The following KHDC4 variants were observed in gnomAD, a reference collection of about 807,000 sequenced individuals.
KHDC4 encodes the protein KH domain containing 4, pre-mRNA splicing factor.
In KHDC4, 19 loss-of-function variants were observed where a neutral mutation model predicts 74.5. The observed-to-expected ratio is 0.26, with a 90% CI of 0.18 to 0.37. The LOEUF is 0.37. Among genes scored for constraint, KHDC4 ranks in the 10% least tolerant of loss-of-function variants. The probability of loss-of-function intolerance (pLI) is 1.00; values close to 1 mark genes in which losing one functional copy is unlikely to be tolerated. For synonymous variants in KHDC4, 253 were observed against 266.1 expected, an observed-to-expected ratio of 0.95 and a Z score of 0.48; for missense variants, 632 against 754.1, an observed-to-expected ratio of 0.84 and a Z score of 1.90.
chr1:155,918,539 T>C (rs755329207), intron 10 of KHDC4, among the ~76,000 whole-genome samples: 5 of 152,218 alleles, frequency 3.3e-5, no homozygotes, highest in Non-Finnish European at 7.3e-5. Flanking sequence ...TGTGTACTTA[T>C]ACAAACTTAG....
chr1:155,922,496 G>C (rs937146233), intron 8 of KHDC4, among the ~76,000 whole-genome samples: 1 of 152,126 alleles, frequency 6.6e-6, no homozygotes, highest in African/African-American at 2.4e-5. Flanking sequence ...CCAATTTTGG[G>C]AATTAGGAGA....
chr1:155,931,898 G>T (rs545368827), intron 2 of KHDC4, among the ~76,000 whole-genome samples: 3 of 152,014 alleles, frequency 2.0e-5, no homozygotes, highest in African/African-American at 7.3e-5. Flanking sequence ...CCTTATGGCC[G>T]CCTTTAATAG....
rs1674022008 is a variant in KHDC4 at position 155,927,171 on chromosome 1, A to AAAAAAGG, written c.465-22_465-16dup. The stretch of plus-strand genomic sequence containing the variant: ...ATGGACGATCCCTATAAAGAGAAAC[A>AAAAAAGG]AAAAAGGATGATCTCAATGTGGTCA... On this transcript the variant is annotated splice_polypyrimidine_tract_variant and intron_variant, in intron 4 of 13. Coordinates refer to ENST00000368321, the MANE Select transcript of KHDC4 (RefSeq NM_014949.4). The AAAAAAGG allele has an allele frequency of 1.9e-6, 3 of 1,610,666 alleles. No homozygotes were observed. The highest frequency in any genetic ancestry group is 2.5e-6 in the Non-Finnish European group (3 of 1,177,214).
chr1:155,925,732 T>C lies in KHDC4; in HGVS notation c.793A>G (p.Ile265Val). Residue 265 changes from isoleucine (I) to valine (V), a missense_variant, in exon 7 of 14, where the codon ATT becomes GTT. Around this residue, in one of 4 missense-constraint regions of KHDC4, gnomAD observed 233 missense variants for 342.6 expected, o/e 0.68. Coordinates refer to ENST00000368321, the MANE Select transcript of KHDC4 (RefSeq NM_014949.4). ...AGGAAGACTTTGGCACCTGTTTCAA[T>C]CTGAATGTGCTGCAAATAGGAGCAG... ...PGCSYLQHIQ[I>V]ETGAKVFLRG... is the part of the protein sequence containing the mutation. 1 of 1,614,206 alleles carries C rather than the reference T, an allele frequency of 6.2e-7. No homozygotes were observed. The highest frequency in any genetic ancestry group is 8.5e-7 in the Non-Finnish European group (1 of 1,180,040).
At position 155,933,615 on chromosome 1, in the gene KHDC4, C is replaced by T. The variant is rs757937662; in HGVS notation, c.255+18G>A. ...CTATTAAATTCGCAATTAGTGGAGA[C>T]CCTTCAACTTCAAATACCTTCTCAG... On this transcript the variant is annotated intron_variant, in intron 2 of 13. Transcript: ENST00000368321. The T allele has an allele frequency of 5.1e-6, 8 of 1,577,892 alleles. No homozygotes were observed. Among genetic ancestry groups the T allele is most frequent in the South Asian group, 1.1e-5 (1 of 89,112 alleles).
rs201845776 is a variant in KHDC4, at chr1:155,926,705, C to T, written c.652G>A (p.Val218Ile). ...GACTGGAAGGGAGGCTTCTGGCTAACAGCTGGAGACAACTGAGCGATGGGT... is the reference window on the plus strand; with the variant it reads ...GACTGGAAGGGAGGCTTCTGGCTAATAGCTGGAGACAACTGAGCGATGGGT... The part of the protein sequence containing the change: ...PAPIAQLSPA[V>I]SQKPPFQSGM... Residue 218 changes from valine to isoleucine, a missense_variant, in exon 6 of 14, where the codon GTT (valine) becomes ATT (isoleucine). Around this residue, in one of 4 missense-constraint regions of KHDC4, gnomAD observed 233 missense variants for 342.6 expected, o/e 0.68. Coordinates refer to ENST00000368321, the MANE Select transcript of KHDC4 (RefSeq NM_014949.4). 1.9e-6 allele frequency: 3 copies of T among 1,614,198 alleles called. No homozygotes were observed. Among genetic ancestry groups the T allele is most frequent in the East Asian group, 2.2e-5 (1 of 44,888 alleles).
In KHDC4 at chr1:155,915,937, T is replaced by C. The variant is rs767082649; in HGVS notation, c.1581A>G (p.Pro527=). ...CGGACTCTGTTTTTATTCCAGTCAC[T>C]GGAAAGGCTGGTGGAGGCATCAACT... The part of the protein sequence containing the change: ...DRQLMPPPAF[P]VTGIKTESDE... The change falls in exon 13 of 14, where the codon CCA becomes CCG. Residue 527 remains proline (P), a synonymous_variant. Coordinates refer to ENST00000368321, the MANE Select transcript of KHDC4 (RefSeq NM_014949.4). 6.3e-7 allele frequency: 1 copy of C among 1,595,492 alleles called. No homozygotes were observed. The highest frequency in any genetic ancestry group is 1.8e-5 in the Admixed American group (1 of 54,722).
chr1:155,929,427 T>A (rs902295649), intron 3 of KHDC4, 52 bp from the exon 4 acceptor site: 16 of 1,400,630 alleles, frequency 1.1e-5, no homozygotes, highest in Non-Finnish European at 1.6e-5. Flanking sequence ...TTGATTTCAA[T>A]GGCAGACAGA....
intron 13 of KHDC4, chr1:155,915,032 A>G (rs1235960800): frequency 6.6e-6 from 1 of 152,320 alleles, no homozygotes; most frequent in African/African-American, 2.4e-5. Context: ...CAATTTTTTT[A>G]AAACTATTTT....
chr1:155,923,933 T>C (rs1021837609), intron 7 of KHDC4, among the ~76,000 whole-genome samples: 3 of 152,214 alleles, frequency 2.0e-5, no homozygotes, highest in African/African-American at 7.2e-5. Flanking sequence ...ATAAAAATGT[T>C]TAAAGTTCAT....
At chr1:155,916,495 C>A in intron 12 of KHDC4, 130 bp downstream of exon 12, 1 of 678,178 alleles carries the variant, frequency 1.5e-6, no homozygotes, top group African/African-American at 1.8e-5. Context: ...TTACAACAAA[C>A]AGAAGCATAT....
At chr1:155,925,171 C>T (rs184555627) in intron 7 of KHDC4, among the ~76,000 whole-genome samples, 3 of 151,154 alleles carry the variant, frequency 2.0e-5, no homozygotes, top group African/African-American at 2.4e-5. Flanking sequence ...GGACTACAGG[C>T]GCCTGCCACC....
intron 10 of KHDC4, among the ~76,000 whole-genome samples, chr1:155,920,727 TCTCA>T (rs1673844380): frequency 6.6e-6 from 1 of 151,906 alleles, no homozygotes; most frequent in African/African-American, 2.4e-5. Flanking sequence ...AGAGATGGAG[TCTCA>T]CTATGTTGCC....
At chr1:155,926,164 C>T (rs1673989851) in intron 6 of KHDC4, 1 of 507,144 alleles carries the variant, frequency 2.0e-6, no homozygotes, top group Non-Finnish European at 3.8e-6. Flanking sequence ...CTCTATCAAT[C>T]TCCTTTCTAG....
At chr1:155,923,062 G>A (rs569750611) in intron 8 of KHDC4, among the ~76,000 whole-genome samples, 12 of 152,038 alleles carry the variant, frequency 7.9e-5, no homozygotes, top group African/African-American at 2.7e-4. Context: ...AAAAGTAGCC[G>A]GGCGTAGTGG....
rs1673664707 is a variant in KHDC4 at position 155,913,098 on chromosome 1, A to G, written c.*1023T>C. On this transcript the variant is annotated 3_prime_UTR_variant, in exon 14 of 14. Transcript: ENST00000368321. ...ATTATGGTCTAAATATTTACAACAT[A>G]TAGGAAACCAGAGGATAAGTTTATA... 6.5e-6 allele frequency: 1 copy of G among 152,720 alleles called. No homozygotes were observed. Among genetic ancestry groups the G allele is most frequent in the Non-Finnish European group, 1.5e-5 (1 of 68,050 alleles). The allele number at this position is 152,720 out of a possible 1,614,324, so 9.5% of individuals were successfully genotyped here.
rs891566975 is a variant in KHDC4, at chr1:155,933,856, G to A, written c.39-7C>T. 18 of 1,519,024 alleles carry A rather than the reference G, an allele frequency of 1.2e-5. No individual in the cohort carries two copies. The highest frequency in any genetic ancestry group is 1.6e-5 in the Non-Finnish European group (18 of 1,129,312). The allele number at this position is 1,519,024 out of a possible 1,614,324, so 94.1% of individuals were successfully genotyped here. On this transcript the variant is annotated splice_polypyrimidine_tract_variant and splice_region_variant and intron_variant, in intron 1 of 13. Transcript: ENST00000368321. ...GTCCCATTTGCTGCGGCGCCTACAT[G>A]GAGAAAAAGGAAAACATTAGGCCCC...
In KHDC4 at chr1:155,926,719, T is replaced by C; in HGVS notation, c.638A>G (p.Gln213Arg). 1 of 1,614,208 alleles carries C rather than the reference T, an allele frequency of 6.2e-7. No homozygotes were observed. Among genetic ancestry groups the C allele is most frequent in the Non-Finnish European group, 8.5e-7 (1 of 1,180,044 alleles). The stretch of plus-strand genomic sequence containing the variant: ...CTTCTGGCTAACAGCTGGAGACAAC[T>C]GAGCGATGGGTGCTGGCTGGTGATA... ...TVYHQPAPIA[Q>R]LSPAVSQKPP... Residue 213 changes from glutamine to arginine, a missense_variant, in exon 6 of 14, where the codon CAG becomes CGG. By Grantham distance (43) the Gln-to-Arg change is conservative. Transcript: ENST00000368321.
intron 10 of KHDC4, chr1:155,920,043 T>C (rs778217969): frequency 2.0e-6 from 1 of 512,176 alleles, no homozygotes; most frequent in Non-Finnish European, 3.9e-6. Context: ...TCCATTACCA[T>C]GCTCTCATTA....
Sources: allele counts gnomAD v4.1 joint callset (sites outside exome capture counted in the v4.1 genomes callset), GRCh38; gene constraint gnomAD v4.1.1; regional missense constraint gnomAD v4.1.1; transcripts MANE v1.5; gene names NCBI Gene and HGNC (gene_info 2026-07-23, HGNC 2026-07-21).